Variants in AXDND1 observed in about 807,000 individuals in gnomAD.
AXDND1 encodes the protein axonemal dynein light chain domain-containing protein 1.
Under a neutral mutation model 137.5 loss-of-function variants are expected in AXDND1, and 110 were observed. The ratio of observed to expected loss-of-function variants is 0.80; its 90% CI spans 0.69 to 0.94. AXDND1 has a LOEUF of 0.94. Ranked by LOEUF, AXDND1 falls within the 40% of genes least tolerant of loss-of-function variation. AXDND1 has a pLI of 0.00. For synonymous variants in AXDND1, 414 were observed against 399.7 expected (o/e 1.04, Z -0.43); for missense variants, 1,191 against 1,169.8 (o/e 1.02, Z -0.26).
intron 25 of AXDND1, chr1:179,551,265 T>C (rs1192797848): frequency 6.2e-7 from 1 of 1,614,086 alleles, no homozygotes; most frequent in Admixed American, 1.7e-5. Context: ...GTTCTGTTGC[T>C]GGGAGAAGAC....
chr1:179,467,939 C>G (rs1409340650), intron 16 of AXDND1, among the ~76,000 whole-genome samples: 2 of 152,164 alleles, frequency 1.3e-5, no homozygotes, highest in Non-Finnish European at 2.9e-5. Context: ...ACTGGACCCA[C>G]ATTAGGATCC....
chr1:179,377,577 A>AT (rs1304732720), intron 4 of AXDND1, among the ~76,000 whole-genome samples: 1 of 151,958 alleles, frequency 6.6e-6, no homozygotes, highest in Non-Finnish European at 1.5e-5. Flanking sequence ...TTATCAGAGG[A>AT]TTTTTTTCTC....
intron 12 of AXDND1, among the ~76,000 whole-genome samples, chr1:179,423,974 T>G (rs1479208391): frequency 6.6e-6 from 1 of 152,164 alleles, no homozygotes; most frequent in Non-Finnish European, 1.5e-5. Context: ...TTTTACATGT[T>G]GGTGTTTTTT....
chr1:179,389,534 A>G (rs1276337882), intron 9 of AXDND1, among the ~76,000 whole-genome samples: 1 of 152,148 alleles, frequency 6.6e-6, no homozygotes, highest in African/African-American at 2.4e-5. Context: ...ACACTTGCCC[A>G]CGTCTCCCAC....
intron 18 of AXDND1, 66 bp downstream of exon 18, chr1:179,483,287 A>T: frequency 9.5e-7 from 1 of 1,052,182 alleles, no homozygotes; most frequent in Non-Finnish European, 1.4e-6. Flanking sequence ...TCAAGGAAAA[A>T]TAATGCTCTC....
chr1:179,442,137 A>G (rs1470510733), intron 15 of AXDND1, among the ~76,000 whole-genome samples: 1 of 152,212 alleles, frequency 6.6e-6, no homozygotes, highest in Non-Finnish European at 1.5e-5. Context: ...CTATGGCAGC[A>G]CAGCGTAAAA....
At chr1:179,377,104 G>C (rs1285996929) in intron 4 of AXDND1, among the ~76,000 whole-genome samples, 1 of 151,984 alleles carries the variant, frequency 6.6e-6, no homozygotes, top group Non-Finnish European at 1.5e-5. Context: ...GCTAATTTTT[G>C]TATTTCTAGT....
At chr1:179,503,731 AGT>A (rs1668255026) in intron 20 of AXDND1, among the ~76,000 whole-genome samples, 2 of 151,270 alleles carry the variant, frequency 1.3e-5, no homozygotes, top group African/African-American at 4.9e-5. Flanking sequence ...CAGTCCCCGG[AGT>A]GTGTGATGTT....
intron 21 of AXDND1, among the ~76,000 whole-genome samples, chr1:179,518,090 T>G (rs1238856900): frequency 6.6e-6 from 1 of 152,220 alleles, no homozygotes; most frequent in Non-Finnish European, 1.5e-5. Flanking sequence ...AAGACTCCAT[T>G]CATTTTTGGT....
intron 18 of AXDND1, among the ~76,000 whole-genome samples, chr1:179,490,669 A>G (rs1365865378): frequency 1.3e-5 from 2 of 152,138 alleles, no homozygotes; most frequent in East Asian, 1.9e-4. Flanking sequence ...TAAGGCATGT[A>G]CTTTTGGCAT....
chr1:179,552,568 A>G (rs746334440), intron 25 of AXDND1: 1 of 1,571,174 alleles, frequency 6.4e-7, no homozygotes, highest in South Asian at 1.1e-5. Context: ...AGGCCTTCCT[A>G]AAGGGCAGTC....
At chr1:179,445,801 C>G (rs1048487702) in intron 16 of AXDND1, among the ~76,000 whole-genome samples, 2 of 152,144 alleles carry the variant, frequency 1.3e-5, no homozygotes, top group Non-Finnish European at 2.9e-5. Context: ...ATATTGCTGA[C>G]ATAGACATTT....
chr1:179,480,082 T>C (rs1665172970), intron 17 of AXDND1, among the ~76,000 whole-genome samples: 1 of 152,168 alleles, frequency 6.6e-6, no homozygotes, highest in Non-Finnish European at 1.5e-5. Context: ...TTCAAACTGT[T>C]CCAACCTCTG....
Position 179,395,165 on chromosome 1 carries a change from T to C in AXDND1, c.1072T>C (p.Leu358=). ...TKETEKAHKD[L]AQALLNAEKN... ...GGAAACAGAAAAAGCCCACAAGGATTTGGCACAAGCTCTTTTAAATGCGGA... is the reference window on the plus strand; with the variant it reads ...GGAAACAGAAAAAGCCCACAAGGATCTGGCACAAGCTCTTTTAAATGCGGA... Residue 358 remains leucine, a synonymous_variant, in exon 11 of 26, where the codon TTG becomes CTG. Coordinates refer to ENST00000367618, the MANE Select transcript of AXDND1 (RefSeq NM_144696.6). 6.2e-7 allele frequency: 1 copy of C among 1,613,628 alleles called. No individual in the cohort carries two copies. Among genetic ancestry groups the C allele is most frequent in the Non-Finnish European group, 8.5e-7 (1 of 1,179,790 alleles).
At chr1:179,505,849 C>G (rs1668490442) in intron 20 of AXDND1, among the ~76,000 whole-genome samples, 1 of 152,064 alleles carries the variant, frequency 6.6e-6, no homozygotes, top group African/African-American at 2.4e-5. Context: ...AATTATTTAC[C>G]ATCCACCTGA....
chr1:179,450,524 T>C, intron 16 of AXDND1: 1 of 149,184 alleles, frequency 6.7e-6, no homozygotes, highest in East Asian at 1.9e-4. Context: ...TATTGAATTC[T>C]TTTACATGAA....
intron 13 of AXDND1, among the ~76,000 whole-genome samples, chr1:179,429,898 G>C (rs964942527): frequency 2.0e-5 from 3 of 149,698 alleles, no homozygotes; most frequent in African/African-American, 4.9e-5. Flanking sequence ...AAAGTAAATA[G>C]CTGTGTTTTT....
At chr1:179,516,929 G>A (rs1485855096) in intron 21 of AXDND1, among the ~76,000 whole-genome samples, 1 of 152,194 alleles carries the variant, frequency 6.6e-6, no homozygotes, top group Non-Finnish European at 1.5e-5. Flanking sequence ...GTGCTGCTTG[G>A]TCTCCTGCCG....
intron 17 of AXDND1, among the ~76,000 whole-genome samples, chr1:179,478,106 C>T (rs1558240342): frequency 6.6e-6 from 1 of 152,312 alleles, no homozygotes; most frequent in East Asian, 1.9e-4. Context: ...GCACAGGCTC[C>T]CTCCTGGCTG....
Sources: allele counts gnomAD v4.1 joint callset (sites outside exome capture counted in the v4.1 genomes callset), GRCh38; gene constraint gnomAD v4.1.1; transcripts MANE v1.5; gene names NCBI Gene and HGNC (gene_info 2026-07-23, HGNC 2026-07-21).